The following SEC14L5 variants were observed in gnomAD, a reference collection of about 807,000 sequenced individuals.
SEC14L5 encodes the protein SEC14-like protein 5.
A neutral mutation model predicts 84.6 loss-of-function variants in SEC14L5; 96 were observed. The observed-to-expected ratio is 1.13, with a 90% CI of 0.96 to 1.34. The LOEUF is 1.34. Among genes scored for constraint, SEC14L5 ranks in the 40% most tolerant of loss-of-function variants. The pLI is 0.00. For missense variants in SEC14L5, 1,224 were observed against 942.5 expected, an observed-to-expected ratio of 1.30 and a Z score of -3.91; for synonymous variants, 546 against 383.4, an observed-to-expected ratio of 1.42 and a Z score of -4.95.
intron 15 of SEC14L5, among the ~76,000 whole-genome samples, chr16:5,012,967 C>A (rs540601567): frequency 8.1e-4 from 122 of 151,358 alleles, no homozygotes; most frequent in African/African-American, 2.5e-3. Flanking sequence ...AATTGACTCA[C>A]GGTTCTGCAT....
At chr16:4,967,180 C>T (rs984012064) in intron 2 of SEC14L5, among the ~76,000 whole-genome samples, 1 of 152,198 alleles carries the variant, frequency 6.6e-6, no homozygotes, top group Admixed American at 6.5e-5. Flanking sequence ...AAGGTGTGGG[C>T]AGGCCCACAC....
chr16:5,006,959 G>A (rs568201356), intron 12 of SEC14L5, among the ~76,000 whole-genome samples: 30 of 152,196 alleles, frequency 2.0e-4, no homozygotes, highest in Admixed American at 9.8e-4. Context: ...TTCCACCCCC[G>A]CCTGTGACGG....
chr16:4,998,638 TG>T (rs1437679473), intron 8 of SEC14L5, among the ~76,000 whole-genome samples: 1 of 141,760 alleles, frequency 7.1e-6, no homozygotes, highest in Non-Finnish European at 1.5e-5. Context: ...CTTGGGAGGC[TG>T]AGGCAGGAGA....
At chr16:4,963,165 A>G (rs1426257868) in intron 2 of SEC14L5, among the ~76,000 whole-genome samples, 1 of 152,236 alleles carries the variant, frequency 6.6e-6, no homozygotes, top group Non-Finnish European at 1.5e-5. Context: ...GGGCTTGAGT[A>G]ATTGATTACA....
At chr16:4,974,655 G>A (rs1172478748) in intron 2 of SEC14L5, among the ~76,000 whole-genome samples, 1 of 151,446 alleles carries the variant, frequency 6.6e-6, no homozygotes, top group Non-Finnish European at 1.5e-5. Context: ...TGAAATTTTA[G>A]TGCACCTGTC....
At chr16:5,000,234 T>C (rs1955660024) in intron 8 of SEC14L5, among the ~76,000 whole-genome samples, 1 of 152,090 alleles carries the variant, frequency 6.6e-6, no homozygotes, top group Non-Finnish European at 1.5e-5. Context: ...GAGGTTACAG[T>C]GAGCCGAGAT....
intron 15 of SEC14L5, among the ~76,000 whole-genome samples, chr16:5,013,879 G>T (rs1596649037): frequency 6.6e-6 from 1 of 151,880 alleles, no homozygotes; most frequent in Non-Finnish European, 1.5e-5. Context: ...TTTTTGTAGA[G>T]ATGGGGTCTC....
At chr16:4,988,023 C>A in intron 3 of SEC14L5, 126 bp from the exon 4 acceptor site, 1 of 1,014,282 alleles carries the variant, frequency 9.9e-7, no homozygotes, top group Non-Finnish European at 1.4e-6. Context: ...GCTGGGTGGG[C>A]GGTGGCGCAA....
At chr16:4,978,923 A>G (rs1483846921) in intron 2 of SEC14L5, among the ~76,000 whole-genome samples, 3 of 152,098 alleles carry the variant, frequency 2.0e-5, no homozygotes, top group Non-Finnish European at 4.4e-5. Context: ...TTATGTAGAG[A>G]TGAGGTCTCA....
chr16:4,996,275 A>G lies in SEC14L5; in HGVS notation c.668-73A>G, dbSNP rs569337176. 51 of 903,116 alleles carry G rather than the reference A, an allele frequency of 5.6e-5. No individual in the cohort carries two copies. The African/African-American group carries it at 8.2e-4, about 15-fold the overall frequency. 55.9% of individuals were successfully genotyped at this position (903,116 alleles called of 1,614,324 possible). A position where few individuals can be genotyped will look rare whatever the true frequency, so the allele number is the denominator to read the frequency against. Reference sequence around the variant, plus strand: ...GAGTCAGTGAGGCAGCCAGTAAGGAATGGCACACAGACCACATGGTAAAGA... The same window carrying G: ...GAGTCAGTGAGGCAGCCAGTAAGGAGTGGCACACAGACCACATGGTAAAGA... On this transcript the variant is annotated intron_variant, in intron 6 of 15. Transcript: ENST00000251170.
intron 2 of SEC14L5, among the ~76,000 whole-genome samples, chr16:4,979,361 C>T (rs565862653): frequency 1.3e-5 from 2 of 152,264 alleles, no homozygotes; most frequent in Non-Finnish European, 2.9e-5. Flanking sequence ...ACAAGCTGTG[C>T]GACTATGGGC....
At chr16:4,993,795 C>G (rs1357751700) in intron 6 of SEC14L5, among the ~76,000 whole-genome samples, 1 of 152,186 alleles carries the variant, frequency 6.6e-6, no homozygotes, top group Non-Finnish European at 1.5e-5. Context: ...ATTGTTCCCA[C>G]TGAATGTGTA....
At chr16:5,005,189 CCTGTAATCCCAGCTACTTGGGAGG>C (rs1390070901) in intron 11 of SEC14L5, among the ~76,000 whole-genome samples, 1 of 152,100 alleles carries the variant, frequency 6.6e-6, no homozygotes, top group East Asian at 1.9e-4. Flanking sequence ...GTGGTGGGAG[CCTGTAATCCCAGCTACTTGGGAGG>C]CTGAGGCAGG....
At chr16:4,964,394 C>G (rs57934131) in intron 2 of SEC14L5, among the ~76,000 whole-genome samples, 2 of 152,104 alleles carry the variant, frequency 1.3e-5, no homozygotes, top group Non-Finnish European at 2.9e-5. Context: ...CAAGACCATC[C>G]TGACCAACAT....
In SEC14L5 at chr16:4,989,299, T is replaced by A. The variant is rs57206358; in HGVS notation, c.345+1019T>A. Among the ~76,000 whole-genome samples the A allele has an allele frequency of 3.1e-5, 3 of 95,956 alleles. No homozygotes were observed. In the South Asian group the frequency reaches 1.8e-3, roughly 57 times the overall value. The allele number at this position is 95,956 out of a possible 152,430, so 63.0% of individuals were successfully genotyped here. A position where few individuals can be genotyped will look rare whatever the true frequency, so the allele number is the denominator to read the frequency against. On this transcript the variant is annotated intron_variant, in intron 4 of 15. Coordinates refer to ENST00000251170, the MANE Select transcript of SEC14L5 (RefSeq NM_014692.2). ...TAGCAATGGTAGACCATTGTACGTG[T>A]TTTTTTTTTTGTTTGTTTGTTTGTT...
chr16:5,014,845 C>T lies in SEC14L5; in HGVS notation c.1980-14C>T, dbSNP rs2142540516. ...CTGTGAGAGGGTAACGTGTGCCACG[C>T]CCTTCCTCCCCAGGGGCTCCATGTC... On this transcript the variant is annotated splice_polypyrimidine_tract_variant and intron_variant, in intron 15 of 15. Transcript: ENST00000251170. 3 of 1,606,734 alleles carry T rather than the reference C, an allele frequency of 1.9e-6. No individual in the cohort carries two copies. Among genetic ancestry groups the T allele is most frequent in the Non-Finnish European group, 2.6e-6 (3 of 1,173,702 alleles).
At chr16:5,007,827 A>G (rs1333622195) in intron 13 of SEC14L5, among the ~76,000 whole-genome samples, 1 of 151,200 alleles carries the variant, frequency 6.6e-6, no homozygotes, top group African/African-American at 2.4e-5. Context: ...GCTGGTCTTG[A>G]AATCCTGAGG....
chr16:4,960,647 G>C (rs543854724), intron 2 of SEC14L5: 4 of 152,282 alleles, frequency 2.6e-5, no homozygotes, highest in African/African-American at 9.6e-5. Flanking sequence ...CCCAATTGAC[G>C]AGCTGAGTGA....
rs775791471 is a variant in SEC14L5 at position 5,008,478 on chromosome 16, C to T, written c.1630C>T (p.Arg544Ter). Residue 544 changes from arginine (R) to a stop codon, truncating the protein, a stop_gained, in exon 14 of 16, where the codon CGA becomes TGA. Coordinates refer to ENST00000251170, the MANE Select transcript of SEC14L5 (RefSeq NM_014692.2). LOFTEE classifies it high-confidence loss of function. ...CATCACCTGGGACTTTGACATCCTG[C>T]GAGGGGACGTGGTGTTCAGCCTGTA... is the stretch of plus-strand genomic sequence containing the variant. The part of the protein sequence containing the change: ...SVITWDFDIL[R>*]GDVVFSLYHT... The T allele has an allele frequency of 1.2e-5, 19 of 1,613,364 alleles. No homozygotes were observed. The highest frequency in any genetic ancestry group is 5.0e-5 in the Admixed American group (3 of 59,948).
Sources: gnomAD v4.1 joint callset for allele counts (sites outside exome capture counted in the v4.1 genomes callset) on GRCh38, gnomAD v4.1.1 for gene constraint, MANE v1.5 for transcripts, NCBI Gene and HGNC (gene_info 2026-07-23, HGNC 2026-07-21) for gene names.